NMRK1: variants seen among roughly 807,000 people sequenced by gnomAD.
The protein encoded by NMRK1 is NRK 1.
NMRK1 carries 28 observed loss-of-function variants against 29.9 expected under a neutral mutation model. The observed-to-expected ratio is 0.94, with a 90% CI of 0.69 to 1.28. NMRK1 has a LOEUF of 1.28. Among genes scored for constraint, NMRK1 ranks in the 50% most tolerant of loss-of-function variants. NMRK1 has a pLI of 0.00. For missense variants in NMRK1, 218 were observed against 233.1 expected (o/e 0.94, Z 0.42); for synonymous variants, 58 against 73.0 (o/e 0.79, Z 1.05).
chr9:75,074,553 A>G (rs1823884962), intron 4 of NMRK1, among the ~76,000 whole-genome samples: 1 of 151,688 alleles, frequency 6.6e-6, no homozygotes, highest in Non-Finnish European at 1.5e-5. Flanking sequence ...CACCTGGCTA[A>G]TTTTTGTATT....
Position 75,061,287 on chromosome 9 carries a change from T to C in NMRK1, c.*261A>G, listed in dbSNP as rs892027051. 6 of 417,352 alleles carry C rather than the reference T, an allele frequency of 1.4e-5. No individual in the cohort carries two copies. The highest frequency in any genetic ancestry group is 1.2e-4 in the African/African-American group (6 of 49,322). The allele number at this position is 417,352 out of a possible 1,614,324, so 25.9% of individuals were successfully genotyped here. ...TTGTTATAGAGCTATGTTCAGAAAG[T>C]GGAGACTTTCTGACTCACTGTGAGC... On this transcript the variant is annotated 3_prime_UTR_variant, in exon 9 of 9. Coordinates refer to ENST00000361092, the MANE Select transcript of NMRK1 (RefSeq NM_017881.3).
At chr9:75,074,637 C>T (rs1823890646) in intron 4 of NMRK1, among the ~76,000 whole-genome samples, 1 of 152,182 alleles carries the variant, frequency 6.6e-6, no homozygotes, top group South Asian at 2.1e-4. Context: ...ATCTACCCAC[C>T]TTGGCCTCCC....
intron 2 of NMRK1, chr9:75,078,559 C>G (rs1026435592): frequency 7.8e-7 from 1 of 1,276,294 alleles, no homozygotes; most frequent in East Asian, 2.9e-5. Context: ...TTATTGAAAG[C>G]GTGTTTTAAC....
In NMRK1 at chr9:75,066,780, A is replaced by G. The variant is rs1340251462; in HGVS notation, c.557T>C (p.Ile186Thr). 1.2e-6 allele frequency: 2 copies of G among 1,605,080 alleles called. No individual in the cohort carries two copies. Among genetic ancestry groups the G allele is most frequent in the Admixed American group, 1.7e-5 (1 of 60,024 alleles). Residue 186 changes from isoleucine (I) to threonine (T), a missense_variant, in exon 8 of 9, where the codon ATA becomes ACA. Physicochemically the swap from Ile to Thr is moderately conservative, Grantham distance 89. Transcript: ENST00000361092. ...ACACTTTTGCTTTGCTAGTTCTTGT[A>G]TTAGATCTTCATATACTTGCAAAAA... ...DLFLQVYEDL[I>T]QELAKQKCLQ... is the part of the protein sequence containing the mutation.
chr9:75,066,177 T>G, intron 8 of NMRK1: 5 of 465,032 alleles, frequency 1.1e-5, no homozygotes, highest in Non-Finnish European at 1.7e-5. Flanking sequence ...AATGGAACAC[T>G]AGGCATAAAT....
At position 75,061,463 on chromosome 9, in the gene NMRK1, T is replaced by A; in HGVS notation, c.*85A>T. Reference sequence around the variant, plus strand: ...AACAATGGCTGTCATTGTACCACAGTATACATTGTATCTTGGTGAAGGTTC... The same window carrying A: ...AACAATGGCTGTCATTGTACCACAGAATACATTGTATCTTGGTGAAGGTTC... On this transcript the variant is annotated 3_prime_UTR_variant, in exon 9 of 9. Transcript: ENST00000361092. 1 of 975,408 alleles carries A rather than the reference T, an allele frequency of 1.0e-6. No homozygotes were observed. 60.4% of individuals were successfully genotyped at this position (975,408 alleles called of 1,614,324 possible). A position where few individuals can be genotyped will look rare whatever the true frequency, so the allele number is the denominator to read the frequency against.
chr9:75,078,341 C>G, intron 2 of NMRK1: 1 of 1,572,218 alleles, frequency 6.4e-7, no homozygotes, highest in Non-Finnish European at 8.6e-7. Flanking sequence ...AATCACATTT[C>G]CTCTGCGATG....
chr9:75,063,052 T>C (rs534345496), intron 8 of NMRK1, among the ~76,000 whole-genome samples: 1 of 149,608 alleles, frequency 6.7e-6, no homozygotes, highest in Admixed American at 6.7e-5. Context: ...GGTTCACACC[T>C]GTAATCCCAG....
intron 4 of NMRK1, 22 bp from the exon 5 acceptor site, chr9:75,070,064 T>C (rs758471459): frequency 3.1e-6 from 5 of 1,601,328 alleles, no homozygotes; most frequent in East Asian, 2.2e-5. Flanking sequence ...CACACAAAAA[T>C]ATGCAATCAA....
At chr9:75,085,746 T>G (rs1163941074) in intron 1 of NMRK1, among the ~76,000 whole-genome samples, 2 of 150,406 alleles carry the variant, frequency 1.3e-5, no homozygotes, top group Admixed American at 1.3e-4. Flanking sequence ...TTTTTTTTTT[T>G]TTTTTTTAAC....
chr9:75,087,108 G>C (rs574666519), intron 1 of NMRK1, among the ~76,000 whole-genome samples: 59 of 152,108 alleles, frequency 3.9e-4, no homozygotes, highest in Non-Finnish European at 1.3e-4. Flanking sequence ...GGTTTCACCA[G>C]GTTGGCCAAG....
chr9:75,078,906 A>G (rs1428504712), intron 2 of NMRK1, among the ~76,000 whole-genome samples: 1 of 152,210 alleles, frequency 6.6e-6, no homozygotes, highest in Admixed American at 6.5e-5. Context: ...AAATATTTTT[A>G]TAACTATATT....
chr9:75,067,377 G>A (rs748089737), intron 7 of NMRK1, among the ~76,000 whole-genome samples: 21 of 152,054 alleles, frequency 1.4e-4, no homozygotes, highest in African/African-American at 1.5e-4. Context: ...GAGAAAAGAC[G>A]TATTTTTAAT....
At chr9:75,084,937 T>C (rs1350469548) in intron 1 of NMRK1, among the ~76,000 whole-genome samples, 2 of 152,260 alleles carry the variant, frequency 1.3e-5, no homozygotes, top group Non-Finnish European at 2.9e-5. Context: ...TTTTATGTTG[T>C]AATTTTTCTG....
At chr9:75,071,212 A>T (rs2146046) in intron 4 of NMRK1, among the ~76,000 whole-genome samples, 34,348 of 151,982 alleles carry the variant, frequency 0.23, 4,078 homozygotes, top group African/African-American at 0.3. Flanking sequence ...CAGATTGAGT[A>T]ATTTGTATTG....
chr9:75,075,642 T>G (rs1226180199), intron 4 of NMRK1, among the ~76,000 whole-genome samples: 1 of 152,246 alleles, frequency 6.6e-6, no homozygotes, highest in Non-Finnish European at 1.5e-5. Context: ...TGTTTTATGA[T>G]AGGCTGTAAT....
intron 2 of NMRK1, chr9:75,082,804 G>A: frequency 2.3e-6 from 1 of 438,942 alleles, no homozygotes; most frequent in South Asian, 4.3e-5. Flanking sequence ...CTGAATGAAA[G>A]CAGTGCCCAA....
At chr9:75,076,391 TAG>T (rs1241377424) in intron 4 of NMRK1, among the ~76,000 whole-genome samples, 2 of 151,544 alleles carry the variant, frequency 1.3e-5, no homozygotes, top group Non-Finnish European at 2.9e-5. Context: ...TTCATGAAGA[TAG>T]AGAGTAGACT....
intron 2 of NMRK1, among the ~76,000 whole-genome samples, chr9:75,080,989 A>G (rs1264580221): frequency 6.6e-6 from 1 of 152,132 alleles, no homozygotes; most frequent in Non-Finnish European, 1.5e-5. Flanking sequence ...ATAAATTACT[A>G]AGCTTCAGGC....
Sources: gnomAD v4.1 joint callset for allele counts (sites outside exome capture counted in the v4.1 genomes callset) on GRCh38, gnomAD v4.1.1 for gene constraint, MANE v1.5 for transcripts, NCBI Gene and HGNC (gene_info 2026-07-23, HGNC 2026-07-21) for gene names.